MLLT3: variants seen among roughly 807,000 people sequenced by gnomAD.
The protein encoded by MLLT3 is MLLT3 super elongation complex subunit.
A neutral mutation model predicts 53.2 loss-of-function variants in MLLT3; 4 were observed. That is an observed-to-expected ratio of 0.08 (90% CI 0.04 to 0.17). The LOEUF (loss-of-function observed/expected upper bound fraction) is 0.17. Ranked by LOEUF, MLLT3 falls within the 10% of genes least tolerant of loss-of-function variation. The pLI is 1.00. For synonymous variants in MLLT3, 283 were observed against 230.6 expected, an observed-to-expected ratio of 1.23 and a Z score of -2.06; for missense variants, 569 against 684.0, an observed-to-expected ratio of 0.83 and a Z score of 1.87.
chr9:20,437,379 A>G (rs1156512900), intron 4 of MLLT3, among the ~76,000 whole-genome samples: 1 of 152,158 alleles, frequency 6.6e-6, no homozygotes, highest in Non-Finnish European at 1.5e-5. Context: ...AGAAAAATAA[A>G]CTGAAGCCAA....
At chr9:20,549,121 A>G (rs781767407) in intron 2 of MLLT3, among the ~76,000 whole-genome samples, 18 of 152,184 alleles carry the variant, frequency 1.2e-4, no homozygotes, top group Non-Finnish European at 1.9e-4. Context: ...TGCCTCAAAG[A>G]TATTAACAAA....
At chr9:20,576,927 GC>G (rs1819669645) in intron 2 of MLLT3, among the ~76,000 whole-genome samples, 1 of 152,136 alleles carries the variant, frequency 6.6e-6, no homozygotes, top group South Asian at 2.1e-4. Flanking sequence ...AATCACCTGA[GC>G]CCACGAGTTT....
At chr9:20,403,571 A>T (rs1032381625) in intron 5 of MLLT3, among the ~76,000 whole-genome samples, 2 of 152,214 alleles carry the variant, frequency 1.3e-5, no homozygotes, top group African/African-American at 4.8e-5. Flanking sequence ...GTTGATAGAC[A>T]ATGACAGGAG....
At chr9:20,507,520 C>T (rs2118953937) in intron 2 of MLLT3, among the ~76,000 whole-genome samples, 1 of 152,164 alleles carries the variant, frequency 6.6e-6, no homozygotes, top group South Asian at 2.1e-4. Flanking sequence ...AAAAGAGACC[C>T]TTATAGGTTT....
intron 2 of MLLT3, among the ~76,000 whole-genome samples, chr9:20,578,651 T>A (rs1479214378): frequency 6.6e-6 from 1 of 152,176 alleles, no homozygotes; most frequent in Non-Finnish European, 1.5e-5. Context: ...CTAGTGCAAC[T>A]GAGGACCTGC....
chr9:20,517,574 C>T (rs1362450120), intron 2 of MLLT3, among the ~76,000 whole-genome samples: 2 of 152,096 alleles, frequency 1.3e-5, no homozygotes, highest in Admixed American at 6.5e-5. Context: ...CAGTGGCTCA[C>T]GCCTATTATC....
chr9:20,413,901 T>C lies in MLLT3; in HGVS notation c.945A>G (p.Pro315=). Residue 315 remains proline, a synonymous_variant, in exon 5 of 11, where the codon CCA becomes CCG. Transcript: ENST00000380338. ...ALFKSFSSAP[P]LILTCSADKK... ...TGTCAGCAGAACAAGTGAGTATCAGTGGTGGTGCGCTAGAAAAACTTTTAA... is the reference window on the plus strand; with the variant it reads ...TGTCAGCAGAACAAGTGAGTATCAGCGGTGGTGCGCTAGAAAAACTTTTAA... 1.9e-6 allele frequency: 3 copies of C among 1,613,824 alleles called. No individual in the cohort carries two copies. The highest frequency in any genetic ancestry group is 1.1e-5 in the South Asian group (1 of 91,012).
At chr9:20,392,012 C>A (rs547407503) in intron 5 of MLLT3, among the ~76,000 whole-genome samples, 1 of 152,086 alleles carries the variant, frequency 6.6e-6, no homozygotes, top group East Asian at 1.9e-4. Flanking sequence ...TAAGGAGCGT[C>A]GTATCACTGG....
At chr9:20,542,502 G>A (rs1213553929) in intron 2 of MLLT3, among the ~76,000 whole-genome samples, 9 of 152,028 alleles carry the variant, frequency 5.9e-5, no homozygotes, top group African/African-American at 1.7e-4. Flanking sequence ...CACCCGCCTC[G>A]GCCTCCCAAA....
chr9:20,467,952 A>G (rs1483940737), intron 2 of MLLT3, among the ~76,000 whole-genome samples: 1 of 152,194 alleles, frequency 6.6e-6, no homozygotes, highest in Non-Finnish European at 1.5e-5. Context: ...TTTGCGGAAG[A>G]GGCAGGTATG....
chr9:20,580,878 C>T (rs58645445), intron 2 of MLLT3, among the ~76,000 whole-genome samples: 2,111 of 152,330 alleles, frequency 0.014, 54 homozygotes, highest in African/African-American at 0.049. Context: ...ACAATTTACA[C>T]AGGGCTAACC....
rs2131219216 is a variant in MLLT3 at position 20,621,018 on chromosome 9, C to T, written c.13-184G>A. The T allele has an allele frequency of 1.3e-6, 1 of 763,412 alleles. No individual in the cohort carries two copies. Among genetic ancestry groups the T allele is most frequent in the South Asian group, 1.5e-5 (1 of 67,782 alleles). 47.3% of individuals were successfully genotyped at this position (763,412 alleles called of 1,614,324 possible). On this transcript the variant is annotated intron_variant, in intron 1 of 10. Transcript: ENST00000380338. The surrounding 1 kb of genome is among the most constrained non-coding windows in gnomAD (Gnocchi z 7.0). ...CTCCACACCCCCAAATATACCCGCC[C>T]GCCCGGCCCGGCTTGGCCCCAGGCG...
At chr9:20,419,874 T>C (rs922741164) in intron 4 of MLLT3, among the ~76,000 whole-genome samples, 4 of 152,142 alleles carry the variant, frequency 2.6e-5, no homozygotes, top group African/African-American at 4.8e-5. Context: ...AAATGTATCT[T>C]GCACAATATA....
At position 20,346,394 on chromosome 9, in the gene MLLT3, CCA is replaced by C; in HGVS notation, c.*47_*48del. The C allele has an allele frequency of 8.3e-7, 1 of 1,208,548 alleles. No individual in the cohort carries two copies. The highest frequency in any genetic ancestry group is 1.1e-6 in the Non-Finnish European group (1 of 924,890). 74.9% of individuals were successfully genotyped at this position (1,208,548 alleles called of 1,614,324 possible). A position where few individuals can be genotyped will look rare whatever the true frequency, so the allele number is the denominator to read the frequency against. On this transcript the variant is annotated 3_prime_UTR_variant, in exon 11 of 11. Coordinates refer to ENST00000380338, the MANE Select transcript of MLLT3 (RefSeq NM_004529.4). The stretch of plus-strand genomic sequence containing the variant: ...AAATCACAACCAAAAAAAAAAAAAA[CCA>C]AAAAAAAAAAACACAATAGTTCTTG...
chr9:20,523,047 C>T (rs563493523), intron 2 of MLLT3, among the ~76,000 whole-genome samples: 2 of 152,134 alleles, frequency 1.3e-5, no homozygotes, highest in African/African-American at 4.8e-5. Flanking sequence ...CAACCCAATT[C>T]AAAAATGGGC....
At chr9:20,366,998 A>T (rs111957115) in intron 5 of MLLT3, among the ~76,000 whole-genome samples, 6 of 152,360 alleles carry the variant, frequency 3.9e-5, no homozygotes, top group African/African-American at 1.4e-4. Flanking sequence ...CAAGGCCATG[A>T]CCCAACCCTA....
chr9:20,495,487 C>T (rs1825059948), intron 2 of MLLT3, among the ~76,000 whole-genome samples: 1 of 152,164 alleles, frequency 6.6e-6, no homozygotes, highest in Admixed American at 6.5e-5. Flanking sequence ...CTACAGTCAG[C>T]AATGAATAAA....
At chr9:20,592,286 C>T (rs1820148413) in intron 2 of MLLT3, among the ~76,000 whole-genome samples, 1 of 152,182 alleles carries the variant, frequency 6.6e-6, no homozygotes, top group African/African-American at 2.4e-5. Context: ...TTCACTAGAG[C>T]TGCTATAACA....
intron 2 of MLLT3, among the ~76,000 whole-genome samples, chr9:20,584,523 CT>C (rs1470873841): frequency 6.6e-6 from 1 of 152,168 alleles, no homozygotes; most frequent in East Asian, 1.9e-4. Flanking sequence ...TTTAATTGGA[CT>C]TACAGTTCCA....
Sources: gnomAD v4.1 joint callset for allele counts (sites outside exome capture counted in the v4.1 genomes callset) on GRCh38, gnomAD v4.1.1 for gene constraint, Gnocchi (gnomAD v3.1) non-coding constraint, MANE v1.5 for transcripts, NCBI Gene and HGNC (gene_info 2026-07-23, HGNC 2026-07-21) for gene names.